Variants in XIRP2 observed in about 807,000 individuals in gnomAD.
XIRP2 encodes xin actin binding repeat containing 2.
In XIRP2, 236 loss-of-function variants were observed where a neutral mutation model predicts 277.0. The observed-to-expected ratio is 0.85, with a 90% confidence interval of 0.77 to 0.95. XIRP2 has a LOEUF of 0.95. XIRP2 is among the 40% of genes least tolerant of loss of function. XIRP2 has a pLI of 0.00. For missense variants in XIRP2, 4,640 were observed against 4,157.5 expected, an observed-to-expected ratio of 1.12 and a Z score of -3.19; for synonymous variants, 1,490 against 1,416.5, an observed-to-expected ratio of 1.05 and a Z score of -1.17.
At chr2:167,240,820 T>G (rs970369030) in intron 7 of XIRP2, 84 bp downstream of exon 7, 2 of 1,179,104 alleles carry the variant, frequency 1.7e-6, no homozygotes, top group Admixed American at 1.7e-5. Context: ...CAAAGCACAG[T>G]CCTCCCCTCT....
rs76128091 is a variant in XIRP2 at position 166,898,304 on chromosome 2, C to T, written c.-18-5161C>T. ...GAAGGGTGCATTGGAACTGAGAGGT[C>T]GTAGATTAAAAACTCACACAGGTAT... On this transcript the variant is annotated intron_variant, in intron 1 of 10. Coordinates refer to ENST00000409195, the MANE Select transcript of XIRP2 (RefSeq NM_152381.6). Among the ~76,000 whole-genome samples the T allele has an allele frequency of 1.5e-3, 222 of 152,148 alleles. 8 individuals are homozygous for T. The East Asian group carries it at 0.039, about 27-fold the overall frequency.
chr2:167,050,770 G>A (rs1451528578), intron 2 of XIRP2, among the ~76,000 whole-genome samples: 1 of 151,212 alleles, frequency 6.6e-6, no homozygotes, highest in Non-Finnish European at 1.5e-5. Flanking sequence ...AGATGTAAGT[G>A]GAACAGGACT....
intron 3 of XIRP2, among the ~76,000 whole-genome samples, chr2:167,153,629 A>T (rs1177852325): frequency 1.2e-4 from 18 of 151,774 alleles, no homozygotes; most frequent in Non-Finnish European, 2.1e-4. Flanking sequence ...TCATTGTTCA[A>T]TTCCCACCTA....
intron 2 of XIRP2, among the ~76,000 whole-genome samples, chr2:167,014,345 G>A (rs1332252794): frequency 6.6e-6 from 1 of 151,528 alleles, no homozygotes. Flanking sequence ...ACAATAACTA[G>A]CAAGCTCAAC....
chr2:167,185,341 G>A (rs1353443156), intron 3 of XIRP2, among the ~76,000 whole-genome samples: 1 of 151,544 alleles, frequency 6.6e-6, no homozygotes, highest in East Asian at 1.9e-4. Flanking sequence ...TATAATCATT[G>A]GGTTTTTGTA....
chr2:166,999,655 C>T (rs990812133), intron 2 of XIRP2, among the ~76,000 whole-genome samples: 1 of 152,108 alleles, frequency 6.6e-6, no homozygotes, highest in Non-Finnish European at 1.5e-5. Flanking sequence ...GTCAGTCATT[C>T]ACCCATTTTA....
At chr2:166,947,238 C>T (rs1291522966) in intron 2 of XIRP2, among the ~76,000 whole-genome samples, 1 of 152,160 alleles carries the variant, frequency 6.6e-6, no homozygotes, top group Non-Finnish European at 1.5e-5. Flanking sequence ...AGTACCTTTA[C>T]AACAGGAGTT....
chr2:167,258,469 G>A lies in XIRP2; in HGVS notation c.*652G>A, dbSNP rs370184542. 1 of 1,613,108 alleles carries A rather than the reference G, an allele frequency of 6.2e-7. No individual in the cohort carries two copies. The highest frequency in any genetic ancestry group is 8.5e-7 in the Non-Finnish European group (1 of 1,179,654). ...AAGGAAGGAAGAATGTGCAAGATAG[G>A]CCGAGTGAAGCTGAAGACACAAAGA... On this transcript the variant is annotated 3_prime_UTR_variant, in exon 11 of 11. Transcript: ENST00000409195.
intron 5 of XIRP2, among the ~76,000 whole-genome samples, chr2:167,237,353 A>T (rs1206477314): frequency 6.6e-6 from 1 of 152,104 alleles, no homozygotes; most frequent in African/African-American, 2.4e-5. Flanking sequence ...ACAGAGATTT[A>T]TGTCACTAAC....
At chr2:167,181,722 T>A (rs575716402) in intron 3 of XIRP2, among the ~76,000 whole-genome samples, 57 of 152,290 alleles carry the variant, frequency 3.7e-4, no homozygotes, top group Admixed American at 1.2e-3. Flanking sequence ...CAAAATTATA[T>A]TTATAGGACA....
intron 2 of XIRP2, among the ~76,000 whole-genome samples, chr2:166,928,971 A>G (rs1685258131): frequency 6.6e-6 from 1 of 152,118 alleles, no homozygotes; most frequent in South Asian, 2.1e-4. Context: ...GTAACAAAGA[A>G]TGAATAAAGT....
chr2:167,025,499 T>A (rs1423283957), intron 2 of XIRP2, among the ~76,000 whole-genome samples: 1 of 151,864 alleles, frequency 6.6e-6, no homozygotes, highest in Non-Finnish European at 1.5e-5. Context: ...TCTGCTAGCT[T>A]TTGAATGTGT....
At chr2:167,116,303 A>G (rs1287233911) in intron 2 of XIRP2, among the ~76,000 whole-genome samples, 1 of 152,182 alleles carries the variant, frequency 6.6e-6, no homozygotes, top group Non-Finnish European at 1.5e-5. Flanking sequence ...GTTGCTTTAC[A>G]TATTTTGTAG....
chr2:167,026,183 T>G (rs1367196204), intron 2 of XIRP2, among the ~76,000 whole-genome samples: 4 of 152,206 alleles, frequency 2.6e-5, no homozygotes, highest in Non-Finnish European at 4.4e-5. Context: ...CTCTTGTTGT[T>G]GAATTGATCC....
chr2:167,114,594 C>T (rs1400491662), intron 2 of XIRP2, among the ~76,000 whole-genome samples: 1 of 151,802 alleles, frequency 6.6e-6, no homozygotes, highest in South Asian at 2.1e-4. Context: ...ATCCCTCCCC[C>T]TTCCCCCCAC....
intron 3 of XIRP2, among the ~76,000 whole-genome samples, chr2:167,200,380 C>T (rs555015878): frequency 2.0e-5 from 3 of 152,034 alleles, no homozygotes; most frequent in South Asian, 2.1e-4. Flanking sequence ...CTTTGAATGA[C>T]GATTTTATGA....
chr2:167,246,695 C>T lies in XIRP2; in HGVS notation c.5303C>T (p.Thr1768Ile), dbSNP rs1695280831. The T allele has an allele frequency of 6.2e-7, 1 of 1,613,640 alleles. No homozygotes were observed. Among genetic ancestry groups the T allele is most frequent in the East Asian group, 2.2e-5 (1 of 44,824 alleles). ...LKQLHTESNE[T>I]LTAKKQEGEK... ...CAACTCCACACAGAGTCAAATGAAA[C>T]ACTGACAGCTAAGAAACAAGAAGGA... The change falls in exon 9 of 11, where the codon ACA becomes ATA. Residue 1768 changes from threonine (T) to isoleucine (I), a missense_variant. Coordinates refer to ENST00000409195, the MANE Select transcript of XIRP2 (RefSeq NM_152381.6).
chr2:167,104,816 G>T (rs1486031533), intron 2 of XIRP2, among the ~76,000 whole-genome samples: 1 of 151,922 alleles, frequency 6.6e-6, no homozygotes, highest in Non-Finnish European at 1.5e-5. Context: ...TATCACCAAA[G>T]CTTCTTTCAG....
At chr2:167,131,820 G>T (rs1324298904) in intron 2 of XIRP2, among the ~76,000 whole-genome samples, 1 of 152,096 alleles carries the variant, frequency 6.6e-6, no homozygotes, top group East Asian at 1.9e-4. Context: ...TCTCCTCTAA[G>T]CTCCAGGGCT....
Sources: allele counts gnomAD v4.1 joint callset (sites outside exome capture counted in the v4.1 genomes callset), GRCh38; gene constraint gnomAD v4.1.1; transcripts MANE v1.5; gene names NCBI Gene and HGNC (gene_info 2026-07-23, HGNC 2026-07-21).